The following KATNAL2 variants were observed in gnomAD, a reference collection of about 807,000 sequenced individuals.
KATNAL2 encodes katanin p60 ATPase-containing subunit A-like 2.
Under a neutral mutation model 76.3 loss-of-function variants are expected in KATNAL2, and 52 were observed. The observed-to-expected ratio is 0.68, with a 90% CI of 0.55 to 0.86. The LOEUF is 0.86. Among genes scored for constraint, KATNAL2 ranks in the 40% least tolerant of loss-of-function variants. The probability of loss-of-function intolerance (pLI) is 0.00; values close to 1 mark genes in which losing one functional copy is unlikely to be tolerated. For missense variants in KATNAL2, 660 were observed against 668.9 expected, an observed-to-expected ratio of 0.99 and a Z score of 0.15; for synonymous variants, 243 against 244.2, an observed-to-expected ratio of 1.00 and a Z score of 0.05.
chr18:47,038,773 G>T (rs1441945981), intron 3 of KATNAL2, among the ~76,000 whole-genome samples: 1 of 152,158 alleles, frequency 6.6e-6, no homozygotes, highest in Non-Finnish European at 1.5e-5. Context: ...AAGAAGTATA[G>T]ACAATAGTTA....
chr18:47,042,708 G>A (rs1410234344), intron 3 of KATNAL2, among the ~76,000 whole-genome samples: 1 of 151,946 alleles, frequency 6.6e-6, no homozygotes, highest in Non-Finnish European at 1.5e-5. Flanking sequence ...GGAACACTGT[G>A]GGAAAAAAAG....
At chr18:47,084,672 A>G (rs1320626571) in intron 15 of KATNAL2, among the ~76,000 whole-genome samples, 1 of 151,522 alleles carries the variant, frequency 6.6e-6, no homozygotes, top group Non-Finnish European at 1.5e-5. Flanking sequence ...CACATGATGA[A>G]ACTCTATCTC....
At chr18:46,954,659 CAAAA>C (rs1479044426) in intron 3 of KATNAL2, among the ~76,000 whole-genome samples, 1 of 150,942 alleles carries the variant, frequency 6.6e-6, no homozygotes, top group Admixed American at 6.6e-5. Context: ...TTTTTTGAGA[CAAAA>C]GAAGTCTGAC....
intron 15 of KATNAL2, among the ~76,000 whole-genome samples, chr18:47,089,947 C>G (rs1599852351): frequency 6.6e-6 from 1 of 152,050 alleles, no homozygotes; most frequent in Non-Finnish European, 1.5e-5. Context: ...GGTTATAAGA[C>G]TGGCTAATTT....
intron 3 of KATNAL2, among the ~76,000 whole-genome samples, chr18:46,957,666 G>A (rs984566707): frequency 1.4e-5 from 2 of 144,012 alleles, no homozygotes; most frequent in African/African-American, 5.2e-5. Context: ...AGGTTCAAGC[G>A]ATTCTCTTGC....
intron 3 of KATNAL2, chr18:47,033,728 G>T (rs745739051): frequency 6.2e-7 from 1 of 1,614,182 alleles, no homozygotes; most frequent in Non-Finnish European, 8.5e-7. Context: ...GAGTACACCG[G>T]CATCTTAGCA....
At chr18:46,955,093 TCCTC>T (rs1201064030) in intron 3 of KATNAL2, among the ~76,000 whole-genome samples, 2 of 113,468 alleles carry the variant, frequency 1.8e-5, no homozygotes, top group Non-Finnish European at 3.8e-5. Flanking sequence ...CTCCCTCCCT[TCCTC>T]CCTCCCTCCC....
intron 3 of KATNAL2, among the ~76,000 whole-genome samples, chr18:47,042,154 T>C (rs2060986535): frequency 6.6e-6 from 1 of 152,238 alleles, no homozygotes; most frequent in Admixed American, 6.5e-5. Flanking sequence ...TCTGAATCAC[T>C]ACTTTTTATG....
rs553511602 is a variant in KATNAL2 at position 47,070,656 on chromosome 18, C to T, written c.1008+1056C>T. 3.9e-5 allele frequency among the ~76,000 whole-genome samples: 6 copies of T among 152,232 alleles called. No homozygotes were observed. In the South Asian group the frequency reaches 8.3e-4, roughly 21 times the overall value. On this transcript the variant is annotated intron_variant, in intron 13 of 17. Coordinates refer to ENST00000683218, the MANE Select transcript of KATNAL2 (RefSeq NM_001387690.1). ...TCTGAAAAGTGATTAACAAATTATG[C>T]TTAAATTACATTCCCTTAGATGACT...
At chr18:47,031,230 G>T (rs148897182) in intron 3 of KATNAL2, among the ~76,000 whole-genome samples, 517 of 151,410 alleles carry the variant, frequency 3.4e-3, no homozygotes, top group Middle Eastern at 0.01. Flanking sequence ...TCCTCGGAAA[G>T]GCTTGCTCTG....
intron 15 of KATNAL2, chr18:47,098,940 T>C (rs548177238): frequency 1.2e-5 from 3 of 245,872 alleles, no homozygotes; most frequent in Non-Finnish European, 2.3e-5. Flanking sequence ...ATAAAATTAC[T>C]TCCTTTTCAT....
rs2063011790 is a variant in KATNAL2, at chr18:47,091,802, G to A, written c.1212-7441G>A. Among the ~76,000 whole-genome samples the A allele has an allele frequency of 3.3e-5, 5 of 152,188 alleles. No homozygotes were observed. In the South Asian group the frequency reaches 1.0e-3, roughly 32 times the overall value. ...CTTTAGACAGGAAGTCACTCTGGAT[G>A]GGACAGGGACAGCAGGAAGAAGGAG... On this transcript the variant is annotated intron_variant, in intron 15 of 17. Coordinates refer to ENST00000683218, the MANE Select transcript of KATNAL2 (RefSeq NM_001387690.1).
Position 47,059,613 on chromosome 18 carries a change from A to G in KATNAL2, c.508A>G (p.Ile170Val), listed in dbSNP as rs1364058165. The change falls in exon 8 of 18, where the codon ATC (isoleucine) becomes GTC (valine). Residue 170 changes from isoleucine to valine, a missense_variant. Transcript: ENST00000683218. ...CAACTTCGGCCTACATATATCAAGA[A>G]TCCGTAAAGACAGTGGAGAGGAAAA... ...SANFGLHISRIRKDSGEENAH... is the reference protein window; with the variant it reads ...SANFGLHISRVRKDSGEENAH... 1 of 1,613,764 alleles carries G rather than the reference A, an allele frequency of 6.2e-7. No individual in the cohort carries two copies. Among genetic ancestry groups the G allele is most frequent in the Middle Eastern group, 1.7e-4 (1 of 6,060 alleles).
intron 6 of KATNAL2, 82 bp downstream of exon 6, chr18:47,054,520 C>A: frequency 3.0e-6 from 4 of 1,329,700 alleles, no homozygotes; most frequent in Non-Finnish European, 4.3e-6. Context: ...ACCATCACAG[C>A]TCTGTGACTG....
chr18:47,058,224 C>A lies in KATNAL2; in HGVS notation c.333-11C>A, dbSNP rs1191304643. 11 of 1,570,490 alleles carry A rather than the reference C, an allele frequency of 7.0e-6. No homozygotes were observed. The highest frequency in any genetic ancestry group is 9.6e-6 in the Non-Finnish European group (11 of 1,141,292). ...AATAATTTCTTCCAAGGTCTTTGTTCCCTCCCTTAGGATGATGAACGACAG... is the reference window on the plus strand; with the variant it reads ...AATAATTTCTTCCAAGGTCTTTGTTACCTCCCTTAGGATGATGAACGACAG... On this transcript the variant is annotated splice_polypyrimidine_tract_variant and intron_variant, in intron 6 of 17. Transcript: ENST00000683218.
chr18:46,929,695 ATATCT>A (rs894789527), intron 1 of KATNAL2, among the ~76,000 whole-genome samples: 7 of 152,190 alleles, frequency 4.6e-5, no homozygotes, highest in African/African-American at 1.2e-4. Context: ...CATTTTATAG[ATATCT>A]TATTTTATTT....
At chr18:46,962,106 G>C (rs2059994852) in intron 3 of KATNAL2, among the ~76,000 whole-genome samples, 1 of 150,752 alleles carries the variant, frequency 6.6e-6, no homozygotes, top group Non-Finnish European at 1.5e-5. Context: ...GAGCAAATAG[G>C]ATTTTGGCTC....
chr18:47,064,107 C>T (rs1013438769), intron 10 of KATNAL2, among the ~76,000 whole-genome samples: 9 of 152,130 alleles, frequency 5.9e-5, no homozygotes, highest in African/African-American at 2.2e-4. Flanking sequence ...TTCAGCTCAG[C>T]AGTTGTTTCC....
chr18:46,924,243 T>G (rs536518161), intron 1 of KATNAL2, among the ~76,000 whole-genome samples: 4 of 152,190 alleles, frequency 2.6e-5, no homozygotes, highest in East Asian at 3.8e-4. Flanking sequence ...ATCTTGAATT[T>G]ATTTTTGTAT....
Sources: gnomAD v4.1 joint callset for allele counts (sites outside exome capture counted in the v4.1 genomes callset) on GRCh38, gnomAD v4.1.1 for gene constraint, MANE v1.5 for transcripts, NCBI Gene and HGNC (gene_info 2026-07-23, HGNC 2026-07-21) for gene names.